The following RNF11 variants were observed in gnomAD, a reference collection of about 807,000 sequenced individuals.
RNF11 encodes ring finger protein 11.
Under a neutral mutation model 15.8 loss-of-function variants are expected in RNF11, and 4 were observed. That is an observed-to-expected ratio of 0.25 (90% CI 0.12 to 0.58). The LOEUF (loss-of-function observed/expected upper bound fraction) is 0.58. RNF11 is among the 20% of genes least tolerant of loss of function. The pLI is 0.91. For missense variants in RNF11, 139 were observed against 194.4 expected, an observed-to-expected ratio of 0.71 and a Z score of 1.70; for synonymous variants, 68 against 72.3, an observed-to-expected ratio of 0.94 and a Z score of 0.30.
intron 1 of RNF11, among the ~76,000 whole-genome samples, chr1:51,255,590 A>G (rs766529378): frequency 1.2e-4 from 18 of 152,214 alleles, no homozygotes; most frequent in Non-Finnish European, 2.5e-4. Context: ...TTTTGGAAGC[A>G]CAAAAGTGAT....
Position 51,271,950 on chromosome 1 carries a change from C to T in RNF11, c.*628C>T, listed in dbSNP as rs1172132482. Reference sequence around the variant, plus strand: ...TGTTATAAGTGCTATATTCTGTTTGCAGTTAGGAAATGCAGAATTCAAAGT... The same window carrying T: ...TGTTATAAGTGCTATATTCTGTTTGTAGTTAGGAAATGCAGAATTCAAAGT... On this transcript the variant is annotated 3_prime_UTR_variant, in exon 3 of 3. Coordinates refer to ENST00000242719, the MANE Select transcript of RNF11 (RefSeq NM_014372.5). 1 of 152,482 alleles carries T rather than the reference C, an allele frequency of 6.6e-6. No individual in the cohort carries two copies. The highest frequency in any genetic ancestry group is 1.5e-5 in the Non-Finnish European group (1 of 68,020). 9.4% of individuals were successfully genotyped at this position (152,482 alleles called of 1,614,324 possible).
intron 1 of RNF11, among the ~76,000 whole-genome samples, chr1:51,239,303 G>A (rs1015461188): frequency 3.3e-5 from 5 of 152,066 alleles, no homozygotes; most frequent in Non-Finnish European, 7.4e-5. Context: ...AGGGATGAGG[G>A]GTTTTTGGTG....
chr1:51,255,490 G>A (rs773498418), intron 1 of RNF11, among the ~76,000 whole-genome samples: 3 of 152,302 alleles, frequency 2.0e-5, no homozygotes, highest in South Asian at 2.1e-4. Flanking sequence ...GAATTCCTGG[G>A]CTTAAGCAAT....
chr1:51,250,925 T>G lies in RNF11; in HGVS notation c.123+14046T>G, dbSNP rs992741707. Reference sequence around the variant, plus strand: ...GCACCAGTGCAGAGCCGCAGCGGCCTGTCACCTTGCAAGGGACGGTGTGGG... The same window carrying G: ...GCACCAGTGCAGAGCCGCAGCGGCCGGTCACCTTGCAAGGGACGGTGTGGG... On this transcript the variant is annotated intron_variant, in intron 1 of 2. Transcript: ENST00000242719. 72 of 1,137,490 alleles carry G rather than the reference T, an allele frequency of 6.3e-5. No individual in the cohort carries two copies. In the East Asian group the frequency reaches 1.7e-3, roughly 27 times the overall value. 70.5% of individuals were successfully genotyped at this position (1,137,490 alleles called of 1,614,324 possible). A position where few individuals can be genotyped will look rare whatever the true frequency, so the allele number is the denominator to read the frequency against.
intron 1 of RNF11, among the ~76,000 whole-genome samples, chr1:51,237,424 GTA>G (rs1168154259): frequency 2.9e-4 from 40 of 135,858 alleles, no homozygotes; most frequent in East Asian, 6.1e-4. Flanking sequence ...GTGTGTGTGT[GTA>G]TATATATATA....
At chr1:51,250,050 T>C (rs72896481) in intron 1 of RNF11, among the ~76,000 whole-genome samples, 3,203 of 152,318 alleles carry the variant, frequency 0.021, 96 homozygotes, top group African/African-American at 0.065. Context: ...GTTTTCCAAG[T>C]GGTTGCACTA....
intron 1 of RNF11, among the ~76,000 whole-genome samples, chr1:51,239,155 C>T (rs1486259140): frequency 6.6e-6 from 1 of 152,134 alleles, no homozygotes; most frequent in African/African-American, 2.4e-5. Flanking sequence ...AGCAAATTCT[C>T]CTGCCTCCTA....
chr1:51,250,549 A>T, intron 1 of RNF11: 26 of 456,650 alleles, frequency 5.7e-5, no homozygotes, highest in South Asian at 1.5e-4. Context: ...ATTTGTGACA[A>T]TTTTTTTTTT....
chr1:51,252,081 C>CAAAAAAAAAAAAAAAAAAAAAAAAAA, intron 1 of RNF11, among the ~76,000 whole-genome samples: 1 of 53,648 alleles, frequency 1.9e-5, no homozygotes, highest in Non-Finnish European at 3.6e-5. Flanking sequence ...CATCTCAAAG[C>CAAAAAAAAAAAAAAAAAAAAAAAAAA]AAAAAAAAAA....
At chr1:51,263,345 A>G (rs535358052) in intron 1 of RNF11, among the ~76,000 whole-genome samples, 63 of 152,320 alleles carry the variant, frequency 4.1e-4, no homozygotes, top group African/African-American at 1.5e-3. Context: ...ATGCTGCATC[A>G]TGGGTGAACT....
At chr1:51,244,694 A>G (rs1646844445) in intron 1 of RNF11, among the ~76,000 whole-genome samples, 1 of 152,170 alleles carries the variant, frequency 6.6e-6, no homozygotes, top group Admixed American at 6.5e-5. Flanking sequence ...TTTGTGTTCC[A>G]TGAAGTTCAG....
chr1:51,271,180 A>G lies in RNF11; in HGVS notation c.323A>G (p.Tyr108Cys), dbSNP rs747846038. ...ECVICMMDFV[Y>C]GDPIRFLPCM... Reference sequence around the variant, plus strand: ...GTGATCTGTATGATGGACTTTGTTTATGGGGACCCAATTCGATTTCTGCCG... The same window carrying G: ...GTGATCTGTATGATGGACTTTGTTTGTGGGGACCCAATTCGATTTCTGCCG... The change falls in exon 3 of 3, where the codon TAT becomes TGT. Residue 108 changes from tyrosine (Y) to cysteine (C), a missense_variant. Tyr to Cys is a radical substitution (Grantham distance 194, BLOSUM62 -2). Transcript: ENST00000242719. 6.2e-7 allele frequency: 1 copy of G among 1,614,112 alleles called. No homozygotes were observed. Among genetic ancestry groups the G allele is most frequent in the Non-Finnish European group, 8.5e-7 (1 of 1,179,978 alleles).
intron 1 of RNF11, chr1:51,250,720 C>T (rs1056555229): frequency 5.9e-5 from 78 of 1,316,212 alleles, no homozygotes; most frequent in African/African-American, 2.3e-4. Context: ...TTCCAGAGGT[C>T]GGGGGTCAGG....
chr1:51,245,686 G>A (rs1336998344), intron 1 of RNF11, among the ~76,000 whole-genome samples: 1 of 152,010 alleles, frequency 6.6e-6, no homozygotes, highest in Non-Finnish European at 1.5e-5. Context: ...TCCTGACCTC[G>A]TGATCCACCC....
At chr1:51,256,110 G>C (rs1321870648) in intron 1 of RNF11, among the ~76,000 whole-genome samples, 1 of 152,052 alleles carries the variant, frequency 6.6e-6, no homozygotes, top group Non-Finnish European at 1.5e-5. Context: ...GTTTATCTTA[G>C]AGTTCATTCT....
Position 51,236,701 on chromosome 1 carries a change from G to T in RNF11, c.-56G>T. 1.2e-6 allele frequency: 2 copies of T among 1,602,260 alleles called. No individual in the cohort carries two copies. Among genetic ancestry groups the T allele is most frequent in the Non-Finnish European group, 1.7e-6 (2 of 1,174,580 alleles). On this transcript the variant is annotated 5_prime_UTR_variant, in exon 1 of 3. Coordinates refer to ENST00000242719, the MANE Select transcript of RNF11 (RefSeq NM_014372.5). ...AACCGAGGCGGACCGCGGAGTGTGC[G>T]AACGACCCCACCGCTGCTTTCTCCT...
intron 1 of RNF11, among the ~76,000 whole-genome samples, chr1:51,257,482 T>C (rs1646908985): frequency 2.0e-5 from 3 of 152,162 alleles, no homozygotes. Context: ...TTGGAGATAG[T>C]CTTGCTCTGC....
At position 51,251,141 on chromosome 1, in the gene RNF11, C is replaced by G. The variant is rs553928515; in HGVS notation, c.123+14262C>G. The stretch of plus-strand genomic sequence containing the variant: ...TGCGCTGGCCAGCACGGGTCTGCGT[C>G]TGCACTGGCATAATCTTCAAAACCT... On this transcript the variant is annotated intron_variant, in intron 1 of 2. Coordinates refer to ENST00000242719, the MANE Select transcript of RNF11 (RefSeq NM_014372.5). The G allele has an allele frequency of 9.4e-5, 145 of 1,549,724 alleles. No homozygotes were observed. The African/African-American group carries it at 1.8e-3, about 20-fold the overall frequency.
At chr1:51,263,311 TA>T (rs1361936409) in intron 1 of RNF11, among the ~76,000 whole-genome samples, 48 of 152,330 alleles carry the variant, frequency 3.2e-4, no homozygotes, top group African/African-American at 1.0e-3. Context: ...TATTCAGTGA[TA>T]AAAAGGAATG....
Sources: gnomAD v4.1 joint callset for allele counts (sites outside exome capture counted in the v4.1 genomes callset) on GRCh38, gnomAD v4.1.1 for gene constraint, MANE v1.5 for transcripts, NCBI Gene and HGNC (gene_info 2026-07-23, HGNC 2026-07-21) for gene names.